Variants in NSMCE2 observed in about 807,000 individuals in gnomAD.
The protein encoded by NSMCE2 is NSE2 SUMO ligase component of SMC5/6 complex.
Under a neutral mutation model 23.8 loss-of-function variants are expected in NSMCE2, and 24 were observed. The observed-to-expected ratio is 1.01, with a 90% confidence interval of 0.73 to 1.42. The LOEUF (loss-of-function observed/expected upper bound fraction) is 1.42, where lower values mean the gene tolerates loss of function less well. Among genes scored for constraint, NSMCE2 ranks in the 40% most tolerant of loss-of-function variants. The pLI, the probability that NSMCE2 is intolerant of heterozygous loss-of-function variation, is 0.00. For synonymous variants in NSMCE2, 92 were observed against 94.1 expected (o/e 0.98, Z 0.13); for missense variants, 284 against 296.5 (o/e 0.96, Z 0.31).
chr8:125,226,646 A>T (rs922506769), intron 5 of NSMCE2, among the ~76,000 whole-genome samples: 3 of 152,112 alleles, frequency 2.0e-5, no homozygotes, highest in African/African-American at 7.2e-5. Flanking sequence ...CTTGTCTGAG[A>T]GGGAGTGGGA....
intron 5 of NSMCE2, among the ~76,000 whole-genome samples, chr8:125,263,674 C>T (rs977746734): frequency 6.6e-6 from 1 of 151,490 alleles, no homozygotes; most frequent in Non-Finnish European, 1.5e-5. Context: ...CTCTTGAACC[C>T]GGGAGGCAGA....
rs185757998 is a variant in NSMCE2 at position 125,265,648 on chromosome 8, G to A, written c.418+83392G>A. ...TGGCCGCCTTACTTTACCCTAGTCC[G>A]TGCCTTGCCTTAGAGATTTAATTCT... On this transcript the variant is annotated intron_variant, in intron 5 of 7. Transcript: ENST00000287437. Among the ~76,000 whole-genome samples, 287 of 152,198 alleles carry A rather than the reference G, an allele frequency of 1.9e-3. 1 individual carries two copies. Among genetic ancestry groups the A allele is most frequent in the Admixed American group, 7.5e-3 (114 of 15,274 alleles).
chr8:125,233,979 A>G (rs547776327), intron 5 of NSMCE2, among the ~76,000 whole-genome samples: 1 of 149,696 alleles, frequency 6.7e-6, no homozygotes, highest in African/African-American at 2.5e-5. Context: ...GATCGAGACC[A>G]TCCTGGCTAA....
At chr8:125,142,938 T>C (rs1338638233) in intron 3 of NSMCE2, among the ~76,000 whole-genome samples, 1 of 152,184 alleles carries the variant, frequency 6.6e-6, no homozygotes, top group Admixed American at 6.5e-5. Context: ...CTAATATCTA[T>C]GTGGAGGAAT....
chr8:125,133,557 T>G (rs1278265820), intron 3 of NSMCE2, among the ~76,000 whole-genome samples: 4 of 152,064 alleles, frequency 2.6e-5, no homozygotes, highest in Non-Finnish European at 5.9e-5. Context: ...CTGGCCAACA[T>G]GGTGAAACCC....
intron 3 of NSMCE2, among the ~76,000 whole-genome samples, chr8:125,132,905 G>GT (rs1819845537): frequency 6.6e-6 from 1 of 152,170 alleles, no homozygotes; most frequent in Non-Finnish European, 1.5e-5. Context: ...TAGATTTATA[G>GT]ACCCTTAGGC....
intron 7 of NSMCE2, among the ~76,000 whole-genome samples, chr8:125,364,457 C>T (rs13255114): frequency 0.44 from 67,605 of 151,986 alleles, 17,105 homozygotes; most frequent in Admixed American, 0.55. Context: ...GTGGTTTGCA[C>T]ATTTGTTGTT....
intron 7 of NSMCE2, among the ~76,000 whole-genome samples, chr8:125,361,800 G>T (rs1813566629): frequency 6.6e-6 from 1 of 152,154 alleles, no homozygotes; most frequent in Non-Finnish European, 1.5e-5. Context: ...TTGACTCAGG[G>T]GTTGTAAGAT....
chr8:125,272,259 C>T (rs1391445840), intron 5 of NSMCE2, among the ~76,000 whole-genome samples: 2 of 151,950 alleles, frequency 1.3e-5, no homozygotes, highest in African/African-American at 4.8e-5. Context: ...CATGATCCGC[C>T]CGCCTCAGCC....
At chr8:125,105,670 T>A (rs1818425142) in intron 3 of NSMCE2, among the ~76,000 whole-genome samples, 1 of 152,170 alleles carries the variant, frequency 6.6e-6, no homozygotes. Flanking sequence ...CACAACCCGC[T>A]GTTGTAGTGC....
At chr8:125,146,907 CA>C (rs1007353394) in intron 3 of NSMCE2, among the ~76,000 whole-genome samples, 5 of 150,248 alleles carry the variant, frequency 3.3e-5, no homozygotes, top group African/African-American at 2.4e-5. Context: ...AAAAACAAAA[CA>C]AAAAAAAACA....
chr8:125,095,882 CAAA>C (rs1174381155), intron 1 of NSMCE2, among the ~76,000 whole-genome samples: 4 of 65,660 alleles, frequency 6.1e-5, no homozygotes, highest in Admixed American at 1.7e-4. Flanking sequence ...AACTCCATCT[CAAA>C]AAAAAAAAAA....
chr8:125,139,838 C>A (rs1461228631), intron 3 of NSMCE2, among the ~76,000 whole-genome samples: 1 of 152,150 alleles, frequency 6.6e-6, no homozygotes, highest in Non-Finnish European at 1.5e-5. Flanking sequence ...TAAACTGAAC[C>A]AGACATTCAC....
intron 5 of NSMCE2, among the ~76,000 whole-genome samples, chr8:125,320,235 G>GGAAGGAAGGAA (rs1829377690): frequency 3.0e-5 from 1 of 32,866 alleles, no homozygotes; most frequent in African/African-American, 7.7e-5. Flanking sequence ...AGGGAGGGAA[G>GGAAGGAAGGAA]GGAGGGAGGG....
At chr8:125,122,046 T>C (rs546751679) in intron 3 of NSMCE2, among the ~76,000 whole-genome samples, 13 of 152,078 alleles carry the variant, frequency 8.5e-5, no homozygotes, top group South Asian at 8.3e-4. Context: ...CTGTGCTCAG[T>C]GTAGATAGCT....
chr8:125,177,204 CTTGG>C (rs1388393041), intron 4 of NSMCE2, among the ~76,000 whole-genome samples: 1 of 152,140 alleles, frequency 6.6e-6, no homozygotes, highest in Non-Finnish European at 1.5e-5. Flanking sequence ...TAAACACAGG[CTTGG>C]TTTAGTTAAG....
At chr8:125,243,457 CA>C (rs1825834477) in intron 5 of NSMCE2, among the ~76,000 whole-genome samples, 1 of 151,582 alleles carries the variant, frequency 6.6e-6, no homozygotes, top group Admixed American at 6.6e-5. Flanking sequence ...GCAACCATAG[CA>C]AATGGGCTCC....
At chr8:125,276,070 T>G (rs1341669733) in intron 5 of NSMCE2, among the ~76,000 whole-genome samples, 2 of 152,224 alleles carry the variant, frequency 1.3e-5, no homozygotes, top group African/African-American at 4.8e-5. Flanking sequence ...GTGCTCAAGA[T>G]GTCTGCCAAA....
chr8:125,269,735 G>C (rs1414999751), intron 5 of NSMCE2, among the ~76,000 whole-genome samples: 1 of 152,152 alleles, frequency 6.6e-6, no homozygotes, highest in East Asian at 1.9e-4. Context: ...GTGTTGCAGA[G>C]GATAACTTAC....
Sources: allele counts gnomAD v4.1 joint callset (sites outside exome capture counted in the v4.1 genomes callset), GRCh38; gene constraint gnomAD v4.1.1; transcripts MANE v1.5; gene names NCBI Gene and HGNC (gene_info 2026-07-23, HGNC 2026-07-21).